The following POU2F1 variants were observed in gnomAD, a reference collection of about 807,000 sequenced individuals.
POU2F1 encodes the protein POU class 2 homeobox 1.
Under a neutral mutation model 84.9 loss-of-function variants are expected in POU2F1, and 16 were observed. That is an observed-to-expected ratio of 0.19 (90% CI 0.13 to 0.29). The LOEUF (loss-of-function observed/expected upper bound fraction) is 0.29, where lower values mean the gene tolerates loss of function less well. Ranked by LOEUF, POU2F1 falls within the 10% of genes least tolerant of loss-of-function variation. POU2F1 has a pLI of 1.00. For missense variants in POU2F1, 738 were observed against 942.6 expected, an observed-to-expected ratio of 0.78 and a Z score of 2.84; for synonymous variants, 368 against 368.3, an observed-to-expected ratio of 1.00 and a Z score of 0.01.
chr1:167,338,705 C>T (rs1657641534), intron 2 of POU2F1, among the ~76,000 whole-genome samples: 1 of 152,174 alleles, frequency 6.6e-6, no homozygotes, highest in Admixed American at 6.5e-5. Context: ...TTGGTAAAGT[C>T]TATTCTATGT....
At position 167,420,233 on chromosome 1, in the gene POU2F1, G is replaced by C. The variant is rs1049226832; in HGVS notation, c.*4423G>C. The C allele has an allele frequency of 6.7e-6, 1 of 149,340 alleles. No individual in the cohort carries two copies. 9.3% of individuals were successfully genotyped at this position (149,340 alleles called of 1,614,324 possible). On this transcript the variant is annotated 3_prime_UTR_variant, in exon 16 of 16. Transcript: ENST00000367866. ...GGCTAGAGTGCAACGGCATGATCTC[G>C]GCTCACTGCAACCTCTGCCTCCCGG...
chr1:167,222,443 AT>A (rs1397094944), intron 1 of POU2F1, among the ~76,000 whole-genome samples: 3 of 151,728 alleles, frequency 2.0e-5, no homozygotes, highest in Admixed American at 2.0e-4. Flanking sequence ...CCGTGTTTAT[AT>A]TTTACATTCG....
chr1:167,287,278 C>G lies in POU2F1; in HGVS notation c.62-45192C>G, dbSNP rs186855522. On this transcript the variant is annotated intron_variant, in intron 1 of 15. Coordinates refer to ENST00000367866, the MANE Select transcript of POU2F1 (RefSeq NM_002697.4). ...ATTTGAATTTGTTCACCTGTGTGGT[C>G]TGGGAAACCCAGAGATAAGAAACTA... 6.2e-3 allele frequency among the ~76,000 whole-genome samples: 951 copies of G among 152,294 alleles called. 13 individuals are homozygous for G. The highest frequency in any genetic ancestry group is 0.011 in the Non-Finnish European group (770 of 68,020).
At chr1:167,373,983 TA>T (rs1660167564) in intron 5 of POU2F1, 124 bp from the exon 6 acceptor site, 9 of 821,688 alleles carry the variant, frequency 1.1e-5, no homozygotes, top group Admixed American at 3.9e-5. Flanking sequence ...AGCTGTCTGC[TA>T]AGCAAGTGAA....
intron 2 of POU2F1, among the ~76,000 whole-genome samples, chr1:167,358,122 C>CTTTTTT (rs763521021): frequency 3.2e-3 from 307 of 97,118 alleles, no homozygotes; most frequent in Middle Eastern, 8.8e-3. Context: ...TTTTTCTTTT[C>CTTTTTT]TTTTTTTTTT....
intron 1 of POU2F1, among the ~76,000 whole-genome samples, chr1:167,221,395 G>C (rs1180325376): frequency 6.7e-6 from 1 of 149,856 alleles, no homozygotes; most frequent in African/African-American, 2.4e-5. Flanking sequence ...CCGGCGGGGC[G>C]CAGTAGGGCG....
At position 167,261,396 on chromosome 1, in the gene POU2F1, A is replaced by C. The variant is rs929471020; in HGVS notation, c.61+40438A>C. On this transcript the variant is annotated intron_variant, in intron 1 of 15. Transcript: ENST00000367866. ...TGCACTAGCAGAGGATTCTTGCATA[A>C]GATAATGGGGCCAGTGAGCATGAAC... is the stretch of plus-strand genomic sequence containing the variant. 5.3e-5 allele frequency among the ~76,000 whole-genome samples: 8 copies of C among 152,296 alleles called. 1 individual carries two copies. In the South Asian group the frequency reaches 1.5e-3, roughly 28 times the overall value.
chr1:167,246,407 C>G (rs1234719995), intron 1 of POU2F1, among the ~76,000 whole-genome samples: 1 of 152,138 alleles, frequency 6.6e-6, no homozygotes, highest in African/African-American at 2.4e-5. Flanking sequence ...AATATATGCT[C>G]ATTTAATCTT....
intron 1 of POU2F1, among the ~76,000 whole-genome samples, chr1:167,275,227 ATG>A (rs367920670): frequency 6.6e-6 from 1 of 151,888 alleles, no homozygotes; most frequent in East Asian, 1.9e-4. Flanking sequence ...GAGTCCCAGT[ATG>A]TTGCCCAGAG....
chr1:167,226,166 C>G (rs1424887452), intron 1 of POU2F1, among the ~76,000 whole-genome samples: 4 of 152,204 alleles, frequency 2.6e-5, no homozygotes, highest in African/African-American at 9.6e-5. Flanking sequence ...AATGTACTTA[C>G]TATTTCTTGG....
At chr1:167,375,531 A>G (rs551649186) in intron 6 of POU2F1, among the ~76,000 whole-genome samples, 5 of 152,240 alleles carry the variant, frequency 3.3e-5, no homozygotes, top group Admixed American at 6.5e-5. Flanking sequence ...AATACTTTAG[A>G]ACATGTGGAA....
chr1:167,423,278 A>G lies in POU2F1; in HGVS notation c.*7468A>G, dbSNP rs1650753097. On this transcript the variant is annotated 3_prime_UTR_variant, in exon 16 of 16. Transcript: ENST00000367866. Reference sequence around the variant, plus strand: ...AGGTAGTTCATTGTTTCGGTGTACTATTGATAGGACACAGAAAGGGAGAGA... The same window carrying G: ...AGGTAGTTCATTGTTTCGGTGTACTGTTGATAGGACACAGAAAGGGAGAGA... 1 of 152,212 alleles carries G rather than the reference A, an allele frequency of 6.6e-6. No individual in the cohort carries two copies. The highest frequency in any genetic ancestry group is 1.5e-5 in the Non-Finnish European group (1 of 68,034). The allele number at this position is 152,212 out of a possible 1,614,324, so 9.4% of individuals were successfully genotyped here. A position where few individuals can be genotyped will look rare whatever the true frequency, so the allele number is the denominator to read the frequency against.
chr1:167,295,855 T>C (rs559477832), intron 1 of POU2F1, among the ~76,000 whole-genome samples: 1 of 152,300 alleles, frequency 6.6e-6, no homozygotes, highest in South Asian at 2.1e-4. Flanking sequence ...AAATTTTTTG[T>C]TGTAATTGCA....
chr1:167,390,959 C>G (rs1300136698), intron 9 of POU2F1, among the ~76,000 whole-genome samples: 1 of 152,118 alleles, frequency 6.6e-6, no homozygotes, highest in Non-Finnish European at 1.5e-5. Context: ...AACCAAAATC[C>G]AAATTAATTT....
At chr1:167,353,450 C>T (rs1289326433) in intron 2 of POU2F1, among the ~76,000 whole-genome samples, 1 of 151,496 alleles carries the variant, frequency 6.6e-6, no homozygotes, top group African/African-American at 2.4e-5. Flanking sequence ...TCTGCCCTAT[C>T]TTTCAACCGC....
chr1:167,239,166 A>G (rs1394402909), intron 1 of POU2F1, among the ~76,000 whole-genome samples: 1 of 152,210 alleles, frequency 6.6e-6, no homozygotes, highest in Non-Finnish European at 1.5e-5. Flanking sequence ...TCAGTCATTT[A>G]ACCTAGTGTT....
chr1:167,226,626 G>A (rs1056920130), intron 1 of POU2F1, among the ~76,000 whole-genome samples: 1 of 152,184 alleles, frequency 6.6e-6, no homozygotes, highest in African/African-American at 2.4e-5. Context: ...TTTACAGTAT[G>A]TTTAGAATTT....
At chr1:167,277,105 T>G (rs975343147) in intron 1 of POU2F1, among the ~76,000 whole-genome samples, 8 of 152,206 alleles carry the variant, frequency 5.3e-5, no homozygotes, top group African/African-American at 1.4e-4. Context: ...CTCAGTGGTG[T>G]TTGACACTCT....
At chr1:167,223,604 T>C (rs1257473313) in intron 1 of POU2F1, among the ~76,000 whole-genome samples, 2 of 152,186 alleles carry the variant, frequency 1.3e-5, no homozygotes, top group Admixed American at 6.5e-5. Context: ...TGTGGGACTT[T>C]GGTCTTCAGT....
Sources: allele counts gnomAD v4.1 joint callset (sites outside exome capture counted in the v4.1 genomes callset), GRCh38; gene constraint gnomAD v4.1.1; transcripts MANE v1.5; gene names NCBI Gene and HGNC (gene_info 2026-07-23, HGNC 2026-07-21).